CPEB2: variants seen among roughly 807,000 people sequenced by gnomAD.
CPEB2 encodes the protein cytoplasmic polyadenylation element binding protein 2, also known as cytoplasmic polyadenylation element-binding protein 2.
Under a neutral mutation model 93.6 loss-of-function variants are expected in CPEB2, and 56 were observed. The observed-to-expected ratio is 0.60, with a 90% CI of 0.48 to 0.75. The LOEUF is 0.75. CPEB2 is among the 30% of genes least tolerant of loss of function. CPEB2 has a pLI of 0.00. For synonymous variants in CPEB2, 764 were observed against 586.3 expected (o/e 1.30, Z -4.38); for missense variants, 1,579 against 1,395.1 (o/e 1.13, Z -2.10).
chr4:15,019,500 G>A (rs1724581121), intron 4 of CPEB2, among the ~76,000 whole-genome samples: 1 of 151,822 alleles, frequency 6.6e-6, no homozygotes, highest in Non-Finnish European at 1.5e-5. Context: ...ACCTGAATTT[G>A]CTTTCCTTCT....
At chr4:15,050,771 T>C (rs2109076154) in intron 6 of CPEB2, among the ~76,000 whole-genome samples, 2 of 152,306 alleles carry the variant, frequency 1.3e-5, no homozygotes, top group East Asian at 1.9e-4. Context: ...TCCTTGAATG[T>C]TCTGCTTCTT....
chr4:15,037,878 C>T (rs1002604841), intron 5 of CPEB2, among the ~76,000 whole-genome samples: 2 of 152,042 alleles, frequency 1.3e-5, no homozygotes, highest in Non-Finnish European at 2.9e-5. Context: ...AAACATAAGT[C>T]ACTTAGTTTT....
intron 6 of CPEB2, among the ~76,000 whole-genome samples, chr4:15,042,897 T>G (rs1307929485): frequency 5.9e-5 from 9 of 152,198 alleles, no homozygotes; most frequent in African/African-American, 2.2e-4. Flanking sequence ...GTGTTAGATT[T>G]GATCCATCAA....
In CPEB2 at chr4:15,067,091, A is replaced by G. The variant is rs1453822753; in HGVS notation, c.*711A>G. 1 of 152,550 alleles carries G rather than the reference A, an allele frequency of 6.6e-6. No individual in the cohort carries two copies. Among genetic ancestry groups the G allele is most frequent in the East Asian group, 1.9e-4 (1 of 5,184 alleles). The allele number at this position is 152,550 out of a possible 1,614,324, so 9.4% of individuals were successfully genotyped here. A position where few individuals can be genotyped will look rare whatever the true frequency, so the allele number is the denominator to read the frequency against. On this transcript the variant is annotated 3_prime_UTR_variant, in exon 12 of 12. Coordinates refer to ENST00000538197, the MANE Select transcript of CPEB2 (RefSeq NM_001177382.2). ...GCAGCACAATATGGCCTAAACTGCC[A>G]TAGTTTTAGAATGTGAAAAAAATGC...
intron 7 of CPEB2, among the ~76,000 whole-genome samples, chr4:15,053,147 G>A (rs1214062975): frequency 6.6e-6 from 1 of 152,002 alleles, no homozygotes; most frequent in Non-Finnish European, 1.5e-5. Flanking sequence ...CTCCTGAGTA[G>A]CTGGGACTAC....
intron 3 of CPEB2, among the ~76,000 whole-genome samples, chr4:15,009,696 A>T (rs1723238239): frequency 6.6e-6 from 1 of 152,210 alleles, no homozygotes; most frequent in African/African-American, 2.4e-5. Context: ...AATAGGATGG[A>T]TACATATATA....
Position 15,003,753 on chromosome 4 carries a change from GCCCCCAGGA to G in CPEB2, c.1081_1089del (p.Pro361_Gly363del). On this transcript the variant is annotated inframe_deletion, in exon 1 of 12. Coordinates refer to ENST00000538197, the MANE Select transcript of CPEB2 (RefSeq NM_001177382.2). ...GCGGCGGCGGCGGCGGGGGCGGGGG[GCCCCCAGGA>G]GGCGGAGGGGGAGGCGGCTCCGCGT... 3.3e-6 allele frequency: 4 copies of G among 1,203,606 alleles called. No individual in the cohort carries two copies. Among genetic ancestry groups the G allele is most frequent in the Non-Finnish European group, 4.1e-6 (4 of 973,496 alleles). The allele number at this position is 1,203,606 out of a possible 1,614,324, so 74.6% of individuals were successfully genotyped here.
intron 8 of CPEB2, among the ~76,000 whole-genome samples, chr4:15,056,027 T>G (rs1352280494): frequency 6.6e-6 from 1 of 152,202 alleles, no homozygotes; most frequent in Non-Finnish European, 1.5e-5. Context: ...CAGTATTACA[T>G]TTTTACAACT....
Position 15,008,052 on chromosome 4 carries a change from T to C in CPEB2, c.1945-286T>C, listed in dbSNP as rs543748784. Among the ~76,000 whole-genome samples the C allele has an allele frequency of 2.6e-5, 4 of 152,334 alleles. No homozygotes were observed. In the South Asian group the frequency reaches 8.3e-4, roughly 32 times the overall value. On this transcript the variant is annotated intron_variant, in intron 2 of 11. Transcript: ENST00000538197. ...AATAATATTAGGGCTTTTTTGCATC[T>C]AATTTAAATTTATCTTCACTAATTC...
chr4:15,059,134 A>AAAATTCTC lies in CPEB2; in HGVS notation c.2581-51_2581-44dup, dbSNP rs574822957. 155 of 1,081,822 alleles carry AAAATTCTC rather than the reference A, an allele frequency of 1.4e-4. No homozygotes were observed. The East Asian group carries it at 3.1e-3, about 22-fold the overall frequency. The allele number at this position is 1,081,822 out of a possible 1,614,324, so 67.0% of individuals were successfully genotyped here. A position where few individuals can be genotyped will look rare whatever the true frequency, so the allele number is the denominator to read the frequency against. ...TTAACTGGCAAAAACAAACAAACAG[A>AAAATTCTC]AAATTCTCATAAGACATCAAGGGAG... On this transcript the variant is annotated intron_variant, in intron 9 of 11. Transcript: ENST00000538197.
At chr4:15,045,551 T>A (rs1727587649) in intron 6 of CPEB2, among the ~76,000 whole-genome samples, 1 of 152,124 alleles carries the variant, frequency 6.6e-6, no homozygotes, top group African/African-American at 2.4e-5. Flanking sequence ...AAATGAAGTG[T>A]TTGGAGTCAA....
chr4:15,005,011 G>C (rs1016595205), intron 1 of CPEB2: 2 of 152,004 alleles, frequency 1.3e-5, no homozygotes, highest in Non-Finnish European at 2.9e-5. Context: ...GCGGTCAGTC[G>C]AGCCGCTCCC....
intron 6 of CPEB2, among the ~76,000 whole-genome samples, chr4:15,046,077 G>A (rs759635510): frequency 6.6e-6 from 1 of 152,072 alleles, no homozygotes; most frequent in Non-Finnish European, 1.5e-5. Context: ...GTACCTTTTT[G>A]TATGTGGGTG....
rs756968752 is a variant in CPEB2, at chr4:15,003,585, G to A, written c.912G>A (p.Ser304=). 1.7e-5 allele frequency: 25 copies of A among 1,475,178 alleles called. No homozygotes were observed. In the South Asian group the frequency reaches 3.2e-4, roughly 19 times the overall value. The allele number at this position is 1,475,178 out of a possible 1,614,324, so 91.4% of individuals were successfully genotyped here. The change falls in exon 1 of 12, where the codon TCG becomes TCA. Residue 304 remains serine, a synonymous_variant. Transcript: ENST00000538197. ...AESPNAGLAS[S]TPVNPAPGSM... is the part of the protein sequence containing the mutation. ...CCCCCAATGCGGGCTTGGCCTCCTC[G>A]ACGCCGGTGAACCCCGCGCCGGGCT...
chr4:15,060,346 A>C (rs747082130), intron 10 of CPEB2, among the ~76,000 whole-genome samples: 36 of 152,310 alleles, frequency 2.4e-4, no homozygotes, highest in Admixed American at 5.9e-4. Flanking sequence ...TTATCTTTGC[A>C]GTTTTCAAAG....
At chr4:15,055,930 A>G (rs1035842504) in intron 8 of CPEB2, among the ~76,000 whole-genome samples, 1 of 152,180 alleles carries the variant, frequency 6.6e-6, no homozygotes, top group African/African-American at 2.4e-5. Context: ...CACAGAAAAC[A>G]TTGAGGATCT....
intron 6 of CPEB2, among the ~76,000 whole-genome samples, chr4:15,051,357 CCTT>C (rs1728203598): frequency 1.3e-5 from 2 of 152,152 alleles, no homozygotes; most frequent in African/African-American, 4.8e-5. Flanking sequence ...CTTTTACTCT[CCTT>C]GTTTCCAACA....
rs59501553 is a variant in CPEB2 at position 15,056,678 on chromosome 4, C to T, written c.2462-1743C>T. On this transcript the variant is annotated intron_variant, in intron 8 of 11. Coordinates refer to ENST00000538197, the MANE Select transcript of CPEB2 (RefSeq NM_001177382.2). ...TGGAAAACACTGGTATAGAAGCATC[C>T]AGTGGGTGAAGCTACCTTGTAATTA... 9.5e-3 allele frequency among the ~76,000 whole-genome samples: 1,439 copies of T among 152,210 alleles called. 38 individuals are homozygous for T. Among genetic ancestry groups the T allele is most frequent in the African/African-American group, 0.033 (1,361 of 41,548 alleles).
intron 4 of CPEB2, among the ~76,000 whole-genome samples, chr4:15,032,640 TA>T (rs1726237822): frequency 6.6e-6 from 1 of 152,130 alleles, no homozygotes; most frequent in Non-Finnish European, 1.5e-5. Context: ...ATGTTTTCAT[TA>T]AACTAATTTA....
Sources: allele counts gnomAD v4.1 joint callset (sites outside exome capture counted in the v4.1 genomes callset), GRCh38; gene constraint gnomAD v4.1.1; transcripts MANE v1.5; gene names NCBI Gene and HGNC (gene_info 2026-07-23, HGNC 2026-07-21).